PCDHGA8: variants seen among roughly 807,000 people sequenced by gnomAD.
PCDHGA8 encodes the protein protocadherin gamma-A8.
A neutral mutation model predicts 59.2 loss-of-function variants in PCDHGA8; 45 were observed. That is an observed-to-expected ratio of 0.76 (90% CI 0.60 to 0.98). PCDHGA8 has a LOEUF of 0.98. Among genes scored for constraint, PCDHGA8 ranks in the 50% least tolerant of loss-of-function variants. The probability of loss-of-function intolerance (pLI) is 0.00; values close to 1 mark genes in which losing one functional copy is unlikely to be tolerated. For synonymous variants in PCDHGA8, 531 were observed against 519.0 expected (o/e 1.02, Z -0.32); for missense variants, 1,257 against 1,196.2 (o/e 1.05, Z -0.75).
chr5:141,456,139 C>T (rs999574407), intron 1 of PCDHGA8, among the ~76,000 whole-genome samples: 20 of 152,010 alleles, frequency 1.3e-4, no homozygotes, highest in Admixed American at 9.8e-4. Context: ...CCTCCTGATC[C>T]GCCCGCCTCG....
chr5:141,399,084 T>C (rs752476131), intron 1 of PCDHGA8: 2 of 1,613,796 alleles, frequency 1.2e-6, no homozygotes, highest in South Asian at 1.1e-5. Context: ...AAGGGAGGGA[T>C]GGTGGTGGAC....
chr5:141,459,699 A>G (rs2098973201), intron 1 of PCDHGA8, among the ~76,000 whole-genome samples: 1 of 152,218 alleles, frequency 6.6e-6, no homozygotes, highest in Non-Finnish European at 1.5e-5. Flanking sequence ...TCCGCTTGCT[A>G]CATTTTCTCA....
At chr5:141,412,406 G>T (rs1278637068) in intron 1 of PCDHGA8, 1 of 152,046 alleles carries the variant, frequency 6.6e-6, no homozygotes, top group African/African-American at 2.4e-5. Context: ...ATCCCTGTAA[G>T]ATAAAGTATG....
In PCDHGA8 at chr5:141,413,958, G is replaced by A. The variant is rs774080265; in HGVS notation, c.2424+18721G>A. On this transcript the variant is annotated intron_variant, in intron 1 of 3. Coordinates refer to ENST00000398604, the MANE Select transcript of PCDHGA8 (RefSeq NM_032088.2). ...TGAGTGTTCCTGAGAATTTGCCTGT[G>A]GGCACTCAGCTGCTGACAGTCACAG... The A allele has an allele frequency of 5.0e-6, 8 of 1,613,276 alleles. No individual in the cohort carries two copies. In the South Asian group the frequency reaches 6.6e-5, roughly 13 times the overall value.
At chr5:141,433,848 A>AAC (rs1403081382) in intron 1 of PCDHGA8, among the ~76,000 whole-genome samples, 1 of 151,964 alleles carries the variant, frequency 6.6e-6, no homozygotes, top group South Asian at 2.1e-4. Context: ...AAAAAAAAAA[A>AAC]AAAAAAACTT....
chr5:141,468,749 C>G (rs1237051053), intron 1 of PCDHGA8, among the ~76,000 whole-genome samples: 1 of 151,962 alleles, frequency 6.6e-6, no homozygotes, highest in Non-Finnish European at 1.5e-5. Context: ...GCCTGTAGTC[C>G]CAGCTACTCG....
At chr5:141,399,854 GC>G (rs1416380474) in intron 1 of PCDHGA8, 1 of 1,612,786 alleles carries the variant, frequency 6.2e-7, no homozygotes, top group Admixed American at 1.7e-5. Context: ...ATGGTGCCGC[GC>G]GCTGCAGAGC....
intron 1 of PCDHGA8, chr5:141,422,819 TGAGA>T (rs766395950): frequency 6.2e-7 from 1 of 1,614,188 alleles, no homozygotes; most frequent in African/African-American, 1.3e-5. Flanking sequence ...GACTTAGAAC[TGAGA>T]GTGATAGCAC....
At chr5:141,405,047 G>T (rs754907464) in intron 1 of PCDHGA8, 1 of 1,613,944 alleles carries the variant, frequency 6.2e-7, no homozygotes, top group Non-Finnish European at 8.5e-7. Flanking sequence ...GGCTGTGGCA[G>T]TCGTCTCCTG....
In PCDHGA8 at chr5:141,404,750, C is replaced by G. The variant is rs1321458841; in HGVS notation, c.2424+9513C>G. The stretch of plus-strand genomic sequence containing the variant: ...GGTGGCAGTGGACAGAGACTCAGGC[C>G]AGAATGCTTGGCTCTCCTACCGCCT... On this transcript the variant is annotated intron_variant, in intron 1 of 3. Coordinates refer to ENST00000398604, the MANE Select transcript of PCDHGA8 (RefSeq NM_032088.2). 10 of 1,613,702 alleles carry G rather than the reference C, an allele frequency of 6.2e-6. No homozygotes were observed. In the African/African-American group the frequency reaches 1.3e-4, roughly 22 times the overall value.
intron 1 of PCDHGA8, chr5:141,427,194 T>G (rs759512205): frequency 6.6e-6 from 3 of 456,512 alleles, no homozygotes; most frequent in Non-Finnish European, 1.3e-5. Context: ...ATCCAAAGAC[T>G]TAATAGACTT....
intron 1 of PCDHGA8, chr5:141,415,051 C>T: frequency 3.1e-6 from 5 of 1,613,458 alleles, no homozygotes; most frequent in South Asian, 1.1e-5. Flanking sequence ...GGTGGGGGAG[C>T]ACACGGGCGA....
chr5:141,423,972 T>A (rs1459859824), intron 1 of PCDHGA8: 2 of 1,128,544 alleles, frequency 1.8e-6, no homozygotes, highest in African/African-American at 3.3e-5. Flanking sequence ...CTATTATCAG[T>A]GTATGAGGCT....
At chr5:141,510,862 C>T (rs764422869) in intron 3 of PCDHGA8, 85 bp from the exon 4 acceptor site, 22 of 1,606,772 alleles carry the variant, frequency 1.4e-5, no homozygotes, top group Non-Finnish European at 1.7e-5. Flanking sequence ...GCTGTATAGG[C>T]ATTCATTAAC....
rs201160783 is a variant in PCDHGA8, at chr5:141,418,846, A to G, written c.2424+23609A>G. The G allele has an allele frequency of 7.4e-5, 120 of 1,613,976 alleles. No homozygotes were observed. In the East Asian group the frequency reaches 2.6e-3, roughly 34 times the overall value. On this transcript the variant is annotated intron_variant, in intron 1 of 3. Transcript: ENST00000398604. Reference sequence around the variant, plus strand: ...CAAAAGACCGAGGATCTCTCTCAACACGGTGTAAAGTAATTGTAGAAGTTG... The same window carrying G: ...CAAAAGACCGAGGATCTCTCTCAACGCGGTGTAAAGTAATTGTAGAAGTTG...
At chr5:141,427,722 G>C (rs755543438) in intron 1 of PCDHGA8, 7 of 1,120,986 alleles carry the variant, frequency 6.2e-6, no homozygotes, top group Non-Finnish European at 9.3e-6. Context: ...CCTGGACCTA[G>C]GGCTGAATGG....
chr5:141,449,630 T>G (rs1006977026), intron 1 of PCDHGA8, among the ~76,000 whole-genome samples: 2 of 150,024 alleles, frequency 1.3e-5, no homozygotes, highest in Non-Finnish European at 3.0e-5. Flanking sequence ...TTTAAAAAGA[T>G]GTATCTATAT....
intron 1 of PCDHGA8, among the ~76,000 whole-genome samples, chr5:141,457,289 G>A (rs907200077): frequency 2.0e-5 from 3 of 152,146 alleles, no homozygotes; most frequent in Non-Finnish European, 4.4e-5. Context: ...GAAGTTCCTT[G>A]GTTTTATTTT....
chr5:141,477,794 C>G lies in PCDHGA8; in HGVS notation c.2425-17013C>G, dbSNP rs148942362. The G allele has an allele frequency of 6.2e-7, 1 of 1,614,086 alleles. No individual in the cohort carries two copies. The highest frequency in any genetic ancestry group is 1.1e-5 in the South Asian group (1 of 91,082). On this transcript the variant is annotated intron_variant, in intron 1 of 3. Transcript: ENST00000398604. This position sits in a 1 kb window ranked among gnomAD's most constrained non-coding sequence, Gnocchi z 4.9. ...CAGCGTGAACATATTTGTCACTGAT[C>G]GCAATGACAATGCCCCCCAGGTCCT...
Sources: gnomAD v4.1 joint callset for allele counts (sites outside exome capture counted in the v4.1 genomes callset) on GRCh38, gnomAD v4.1.1 for gene constraint, Gnocchi (gnomAD v3.1) non-coding constraint, MANE v1.5 for transcripts, NCBI Gene and HGNC (gene_info 2026-07-23, HGNC 2026-07-21) for gene names.